Variants in NRG1 observed in about 807,000 individuals in gnomAD.
The protein encoded by NRG1 is neuregulin 1, also known as pro-neuregulin-1, membrane-bound isoform.
In NRG1, 18 loss-of-function variants were observed where a neutral mutation model predicts 63.8. The observed-to-expected ratio is 0.28, with a 90% confidence interval of 0.19 to 0.42. The LOEUF (loss-of-function observed/expected upper bound fraction) is 0.42, where lower values mean the gene tolerates loss of function less well. NRG1 is among the 10% of genes least tolerant of loss of function. NRG1 has a pLI of 1.00. For missense variants in NRG1, 762 were observed against 814.7 expected, an observed-to-expected ratio of 0.94 and a Z score of 0.79; for synonymous variants, 302 against 301.3, an observed-to-expected ratio of 1.00 and a Z score of -0.02.
intron 1 of NRG1, chr8:32,440,878 C>T (rs1355454815): frequency 1.3e-5 from 2 of 152,156 alleles, no homozygotes; most frequent in Admixed American, 6.5e-5. Flanking sequence ...TATATTCAGA[C>T]TTGCCTGAAC....
intron 1 of NRG1, among the ~76,000 whole-genome samples, chr8:32,412,460 A>ATATATATG (rs1815215300): frequency 1.3e-5 from 1 of 76,728 alleles, no homozygotes; most frequent in Non-Finnish European, 3.0e-5. Context: ...ATACATATAT[A>ATATATATG]TATATATATA....
At chr8:31,679,142 CAT>C (rs900373559) in intron 1 of NRG1, among the ~76,000 whole-genome samples, 2 of 152,064 alleles carry the variant, frequency 1.3e-5, no homozygotes, top group African/African-American at 2.4e-5. Flanking sequence ...CAGATATCCA[CAT>C]GTCTGTTTCC....
intron 1 of NRG1, among the ~76,000 whole-genome samples, chr8:31,899,813 G>A (rs1042387454): frequency 1.3e-5 from 2 of 152,036 alleles, no homozygotes; most frequent in Non-Finnish European, 2.9e-5. Context: ...TTACCCTAAG[G>A]CAAGTGGTGA....
intron 1 of NRG1, among the ~76,000 whole-genome samples, chr8:32,551,488 T>C (rs1240973847): frequency 6.6e-6 from 1 of 152,186 alleles, no homozygotes; most frequent in Non-Finnish European, 1.5e-5. Flanking sequence ...TGCTATATTG[T>C]ACGCATAGGC....
At chr8:32,233,989 TG>T (rs1847277499) in intron 1 of NRG1, among the ~76,000 whole-genome samples, 1 of 152,198 alleles carries the variant, frequency 6.6e-6, no homozygotes, top group Non-Finnish European at 1.5e-5. Context: ...TTTATTTCAG[TG>T]GCTTAGTTTT....
chr8:32,252,567 TA>T (rs1385100881), intron 1 of NRG1, among the ~76,000 whole-genome samples: 1 of 152,224 alleles, frequency 6.6e-6, no homozygotes, highest in Admixed American at 6.5e-5. Flanking sequence ...TCTGTTTTGG[TA>T]CCAGTACCAT....
intron 5 of NRG1, among the ~76,000 whole-genome samples, chr8:32,629,988 T>C (rs1396499780): frequency 6.6e-6 from 1 of 152,188 alleles, no homozygotes; most frequent in African/African-American, 2.4e-5. Context: ...GAATGGATAT[T>C]GTTAGTCCCA....
chr8:32,072,662 G>A (rs1825925559), intron 1 of NRG1, among the ~76,000 whole-genome samples: 1 of 152,056 alleles, frequency 6.6e-6, no homozygotes, highest in Non-Finnish European at 1.5e-5. Context: ...CTGGGTAGGA[G>A]GGCAAATAAC....
chr8:31,962,475 A>G (rs7843117), intron 1 of NRG1, among the ~76,000 whole-genome samples: 1,634 of 152,280 alleles, frequency 0.011, 30 homozygotes, highest in African/African-American at 0.037. Flanking sequence ...AAACTAATTA[A>G]TGTCCTTTAT....
At chr8:32,255,199 T>C (rs962351699) in intron 1 of NRG1, among the ~76,000 whole-genome samples, 10 of 152,200 alleles carry the variant, frequency 6.6e-5, no homozygotes, top group Non-Finnish European at 1.5e-4. Context: ...ACATTTAAGG[T>C]TAATATTGTT....
intron 1 of NRG1, among the ~76,000 whole-genome samples, chr8:32,334,466 G>C (rs1173049366): frequency 6.6e-6 from 1 of 152,118 alleles, no homozygotes; most frequent in African/African-American, 2.4e-5. Flanking sequence ...CAAAAGAAAG[G>C]CTCTCCAAGG....
intron 1 of NRG1, among the ~76,000 whole-genome samples, chr8:32,392,594 T>A (rs1811915763): frequency 6.6e-6 from 1 of 152,218 alleles, no homozygotes; most frequent in South Asian, 2.1e-4. Flanking sequence ...CCTTTTGCTT[T>A]AAGCTGTATT....
intron 1 of NRG1, among the ~76,000 whole-genome samples, chr8:32,398,573 T>A (rs1005775545): frequency 2.0e-5 from 3 of 151,998 alleles, no homozygotes; most frequent in African/African-American, 7.2e-5. Context: ...ATTATGCCCA[T>A]CTGATCTTTG....
At chr8:32,270,024 C>G (rs55640333) in intron 1 of NRG1, among the ~76,000 whole-genome samples, 27,946 of 152,052 alleles carry the variant, frequency 0.18, 2,714 homozygotes, top group East Asian at 0.23. Context: ...ACATAAATAC[C>G]TACACGTAAC....
At chr8:32,028,594 A>G (rs1817812378) in intron 1 of NRG1, among the ~76,000 whole-genome samples, 1 of 152,200 alleles carries the variant, frequency 6.6e-6, no homozygotes, top group South Asian at 2.1e-4. Context: ...ATAGTAGTGT[A>G]CTGAATAACT....
intron 1 of NRG1, among the ~76,000 whole-genome samples, chr8:31,934,608 G>GATGGTGGGGTCCATCAAA (rs1835148987): frequency 6.6e-6 from 1 of 151,308 alleles, no homozygotes; most frequent in Non-Finnish European, 1.5e-5. Flanking sequence ...ATTGGCTTTT[G>GATGGTGGGGTCCATCAAA]TACCTCCAAA....
chr8:32,585,553 C>T (rs1259618879), intron 1 of NRG1, among the ~76,000 whole-genome samples: 2 of 152,204 alleles, frequency 1.3e-5, no homozygotes, highest in East Asian at 1.9e-4. Context: ...GCTGTATCCT[C>T]ACGTGGGGGT....
intron 1 of NRG1, among the ~76,000 whole-genome samples, chr8:31,792,456 T>C (rs1820808912): frequency 6.6e-6 from 1 of 152,246 alleles, no homozygotes; most frequent in Non-Finnish European, 1.5e-5. Flanking sequence ...TTGTCAGTTT[T>C]CTGTCTAGTG....
At chr8:32,373,748 A>G (rs1401482885) in intron 1 of NRG1, among the ~76,000 whole-genome samples, 1 of 152,208 alleles carries the variant, frequency 6.6e-6, no homozygotes, top group Non-Finnish European at 1.5e-5. Flanking sequence ...ACTGCACTCC[A>G]GCCTGGGTGA....
Sources: gnomAD v4.1 joint callset for allele counts (sites outside exome capture counted in the v4.1 genomes callset) on GRCh38, gnomAD v4.1.1 for gene constraint, MANE v1.5 for transcripts, NCBI Gene and HGNC (gene_info 2026-07-23, HGNC 2026-07-21) for gene names.